The following KIRREL3 variants were observed in gnomAD, a reference collection of about 807,000 sequenced individuals.
KIRREL3 encodes kin of IRRE-like protein 3.
Under a neutral mutation model 89.7 loss-of-function variants are expected in KIRREL3, and 36 were observed. The observed-to-expected ratio is 0.40, with a 90% CI of 0.31 to 0.53. KIRREL3 has a LOEUF of 0.53. KIRREL3 is among the 20% of genes least tolerant of loss of function. The pLI is 0.49. For synonymous variants in KIRREL3, 445 were observed against 441.4 expected, an observed-to-expected ratio of 1.01 and a Z score of -0.10; for missense variants, 864 against 1,056.6, an observed-to-expected ratio of 0.82 and a Z score of 2.53.
Position 126,612,558 on chromosome 11 carries a change from C to T in KIRREL3, c.56-49646G>A, listed in dbSNP as rs1943177541. Among the ~76,000 whole-genome samples, 1 of 152,116 alleles carries T rather than the reference C, an allele frequency of 6.6e-6. No homozygotes were observed. The highest frequency in any genetic ancestry group is 1.5e-5 in the Non-Finnish European group (1 of 68,028). ...ATTTTCCCCTTTAAAATAGACAGTT[C>T]AGTAGTTTTAAGTATATTTACAACA... On this transcript the variant is annotated intron_variant, in intron 1 of 16. Coordinates refer to ENST00000525144, the MANE Select transcript of KIRREL3 (RefSeq NM_032531.4). This position sits in a 1 kb window ranked among gnomAD's most constrained non-coding sequence, Gnocchi z 4.5.
At chr11:126,866,091 C>T (rs547189348) in intron 1 of KIRREL3, among the ~76,000 whole-genome samples, 24 of 152,142 alleles carry the variant, frequency 1.6e-4, no homozygotes, top group Non-Finnish European at 3.4e-4. Context: ...CTTTGGAGCA[C>T]AGAAGGAGAA....
At chr11:126,442,888 G>A (rs961816078) in intron 10 of KIRREL3, among the ~76,000 whole-genome samples, 3 of 152,196 alleles carry the variant, frequency 2.0e-5, no homozygotes, top group Non-Finnish European at 2.9e-5. Flanking sequence ...TGGAAGCCTC[G>A]GGGAGCTTGT....
chr11:126,671,170 A>G (rs1945926419), intron 1 of KIRREL3, among the ~76,000 whole-genome samples: 1 of 152,188 alleles, frequency 6.6e-6, no homozygotes, highest in Non-Finnish European at 1.5e-5. Context: ...ACATGAAACA[A>G]TAAAACTTCC....
At chr11:126,738,837 C>T (rs1948889104) in intron 1 of KIRREL3, among the ~76,000 whole-genome samples, 1 of 152,192 alleles carries the variant, frequency 6.6e-6, no homozygotes, top group Non-Finnish European at 1.5e-5. Context: ...GGGCTTCCAC[C>T]CACCTCGGAG....
rs766817404 is a variant in KIRREL3 at position 126,747,593 on chromosome 11, T to A, written c.56-184681A>T. ...GTGGCTGTGCTCACAGAAAAGGCAC[T>A]GTATATCCCTCTTTCGTGGTATTAG... is the stretch of plus-strand genomic sequence containing the variant. On this transcript the variant is annotated intron_variant, in intron 1 of 16. Coordinates refer to ENST00000525144, the MANE Select transcript of KIRREL3 (RefSeq NM_032531.4). The surrounding 1 kb of genome is among the most constrained non-coding windows in gnomAD (Gnocchi z 4.7). 1.3e-5 allele frequency among the ~76,000 whole-genome samples: 2 copies of A among 152,180 alleles called. No homozygotes were observed. Among genetic ancestry groups the A allele is most frequent in the Non-Finnish European group, 2.9e-5 (2 of 68,032 alleles).
In KIRREL3 at chr11:126,970,903, A is replaced by G. The variant is rs986802430; in HGVS notation, c.55+29552T>C. On this transcript the variant is annotated intron_variant, in intron 1 of 16. Transcript: ENST00000525144. The surrounding 1 kb of genome is among the most constrained non-coding windows in gnomAD (Gnocchi z 4.4). Reference sequence around the variant, plus strand: ...GTATCTACGCAGCAGGAGAACCACAAACAGAAGCACATGGCGGTGCTATGG... The same window carrying G: ...GTATCTACGCAGCAGGAGAACCACAGACAGAAGCACATGGCGGTGCTATGG... Among the ~76,000 whole-genome samples the G allele has an allele frequency of 6.6e-6, 1 of 152,202 alleles. No individual in the cohort carries two copies. The highest frequency in any genetic ancestry group is 1.5e-5 in the Non-Finnish European group (1 of 68,030).
rs1463144485 is a variant in KIRREL3, at chr11:126,905,048, G to T, written c.55+95407C>A. Among the ~76,000 whole-genome samples the T allele has an allele frequency of 6.6e-6, 1 of 152,074 alleles. No homozygotes were observed. Among genetic ancestry groups the T allele is most frequent in the Non-Finnish European group, 1.5e-5 (1 of 68,004 alleles). ...AGGGGAGAGACATTTCAAGAGACTG[G>T]GTCATTCCCTGGTTTGGCAAAAAGG... On this transcript the variant is annotated intron_variant, in intron 1 of 16. Transcript: ENST00000525144. The surrounding 1 kb of genome is among the most constrained non-coding windows in gnomAD (Gnocchi z 5.0).
rs1443432466 is a variant in KIRREL3, at chr11:126,523,549, A to G, written c.284-2085T>C. ...TCCCCAGCTGTGCAGGCCTGGCCAG[A>G]AAAGCTCACAAGGCCATCAGCTGCA... On this transcript the variant is annotated intron_variant, in intron 3 of 16. Coordinates refer to ENST00000525144, the MANE Select transcript of KIRREL3 (RefSeq NM_032531.4). This position sits in a 1 kb window ranked among gnomAD's most constrained non-coding sequence, Gnocchi z 4.9. Among the ~76,000 whole-genome samples, 1 of 152,130 alleles carries G rather than the reference A, an allele frequency of 6.6e-6. No homozygotes were observed. Among genetic ancestry groups the G allele is most frequent in the East Asian group, 1.9e-4 (1 of 5,180 alleles).
chr11:126,745,587 T>G (rs1361341295), intron 1 of KIRREL3, among the ~76,000 whole-genome samples: 1 of 152,108 alleles, frequency 6.6e-6, no homozygotes, highest in Non-Finnish European at 1.5e-5. Flanking sequence ...GGCTCTTTAT[T>G]TCCCCTGTAA....
chr11:126,979,554 C>G (rs1949667571), intron 1 of KIRREL3, among the ~76,000 whole-genome samples: 1 of 152,184 alleles, frequency 6.6e-6, no homozygotes, highest in Non-Finnish European at 1.5e-5. Flanking sequence ...AGAGAGGTGG[C>G]TCTTGGGGAG....
intron 1 of KIRREL3, among the ~76,000 whole-genome samples, chr11:126,603,559 C>T (rs1942755974): frequency 2.0e-5 from 3 of 152,260 alleles, no homozygotes; most frequent in Non-Finnish European, 4.4e-5. Flanking sequence ...CACCTCCTGA[C>T]CCTGTCTCTG....
rs1945072799 is a variant in KIRREL3, at chr11:126,655,003, A to G, written c.56-92091T>C. On this transcript the variant is annotated intron_variant, in intron 1 of 16. Transcript: ENST00000525144. This position sits in a 1 kb window ranked among gnomAD's most constrained non-coding sequence, Gnocchi z 5.0. ...AACTGCCAGATTTTACATAGGAGGA[A>G]GGAAGACACCGAAAGATGTTCCTAG... 6.6e-6 allele frequency among the ~76,000 whole-genome samples: 1 copy of G among 152,176 alleles called. No homozygotes were observed. The highest frequency in any genetic ancestry group is 1.5e-5 in the Non-Finnish European group (1 of 68,028).
rs1051496589 is a variant in KIRREL3 at position 126,606,446 on chromosome 11, A to T, written c.56-43534T>A. Among the ~76,000 whole-genome samples the T allele has an allele frequency of 9.9e-5, 15 of 152,202 alleles. No individual in the cohort carries two copies. The highest frequency in any genetic ancestry group is 6.5e-4 in the Admixed American group (10 of 15,280). ...GATTATGACATGTACATCCTTTGGA[A>T]CACAGACCCAATAAATGTTAAGAAT... On this transcript the variant is annotated intron_variant, in intron 1 of 16. Transcript: ENST00000525144. The surrounding 1 kb of genome is among the most constrained non-coding windows in gnomAD (Gnocchi z 4.6).
intron 1 of KIRREL3, among the ~76,000 whole-genome samples, chr11:126,847,807 C>A (rs1944199792): frequency 2.0e-5 from 3 of 152,122 alleles, no homozygotes; most frequent in Admixed American, 2.0e-4. Flanking sequence ...ACATTTGTTT[C>A]CCTCTACCTG....
Position 126,551,827 on chromosome 11 carries a change from G to A in KIRREL3, c.133+11008C>T, listed in dbSNP as rs1000881383. ...TGCCCGACTAATTTTTGTATTTTTA[G>A]TAGAGATGGGGTTTCACCATGTTAG... On this transcript the variant is annotated intron_variant, in intron 2 of 16. Transcript: ENST00000525144. This position sits in a 1 kb window ranked among gnomAD's most constrained non-coding sequence, Gnocchi z 4.9. Among the ~76,000 whole-genome samples, 3 of 152,124 alleles carry A rather than the reference G, an allele frequency of 2.0e-5. No individual in the cohort carries two copies. Among genetic ancestry groups the A allele is most frequent in the African/African-American group, 7.2e-5 (3 of 41,436 alleles).
At position 126,608,173 on chromosome 11, in the gene KIRREL3, C is replaced by T. The variant is rs542468097; in HGVS notation, c.56-45261G>A. Among the ~76,000 whole-genome samples the T allele has an allele frequency of 1.6e-4, 24 of 152,000 alleles. No individual in the cohort carries two copies. The South Asian group carries it at 3.5e-3, about 22-fold the overall frequency. On this transcript the variant is annotated intron_variant, in intron 1 of 16. Transcript: ENST00000525144. The surrounding 1 kb of genome is among the most constrained non-coding windows in gnomAD (Gnocchi z 4.9). Reference sequence around the variant, plus strand: ...CCAGGAATGCAGCTGGAGGTGGGGGCGGGCCATGGTGGGCCAGGACAGGTG... The same window carrying T: ...CCAGGAATGCAGCTGGAGGTGGGGGTGGGCCATGGTGGGCCAGGACAGGTG...
chr11:126,804,114 C>T (rs986727107), intron 1 of KIRREL3, among the ~76,000 whole-genome samples: 3 of 152,140 alleles, frequency 2.0e-5, no homozygotes, highest in Non-Finnish European at 4.4e-5. Flanking sequence ...GGCTGTATTT[C>T]AATAAGGGCA....
At position 126,558,481 on chromosome 11, in the gene KIRREL3, A is replaced by AGAGCCCTGGGTGTCTG. The variant is rs149777000; in HGVS notation, c.133+4338_133+4353dup. Among the ~76,000 whole-genome samples, 3,940 of 152,172 alleles carry AGAGCCCTGGGTGTCTG rather than the reference A, an allele frequency of 0.026. 156 individuals carry two copies. The highest frequency in any genetic ancestry group is 0.085 in the African/African-American group (3,527 of 41,454). Reference sequence around the variant, plus strand: ...CTCAGCCTCCTCTTCCAGAAGTCTAAGAGCCCTGGGTGTCTGGAGCCCTGG... The same window carrying AGAGCCCTGGGTGTCTG: ...CTCAGCCTCCTCTTCCAGAAGTCTAAGAGCCCTGGGTGTCTGGAGCCCTGGGTGTCTGGAGCCCTGG... On this transcript the variant is annotated intron_variant, in intron 2 of 16. Transcript: ENST00000525144. The surrounding 1 kb of genome is among the most constrained non-coding windows in gnomAD (Gnocchi z 4.0).
chr11:126,879,152 TAA>T lies in KIRREL3; in HGVS notation c.55+121301_55+121302del, dbSNP rs1367802267. 6.6e-6 allele frequency among the ~76,000 whole-genome samples: 1 copy of T among 152,122 alleles called. No homozygotes were observed. The highest frequency in any genetic ancestry group is 1.5e-5 in the Non-Finnish European group (1 of 68,034). ...GAAATAGTCTGAGTCCAGCTAAATG[TAA>T]AGAGGGAAACTGGAGCTCATCACGG... On this transcript the variant is annotated intron_variant, in intron 1 of 16. Transcript: ENST00000525144. The surrounding 1 kb of genome is among the most constrained non-coding windows in gnomAD (Gnocchi z 5.4).
Sources: gnomAD v4.1 joint callset for allele counts (sites outside exome capture counted in the v4.1 genomes callset) on GRCh38, gnomAD v4.1.1 for gene constraint, Gnocchi (gnomAD v3.1) non-coding constraint, MANE v1.5 for transcripts, NCBI Gene and HGNC (gene_info 2026-07-23, HGNC 2026-07-21) for gene names.